HCN1: variants seen among roughly 807,000 people sequenced by gnomAD.
The protein encoded by HCN1 is hyperpolarization activated cyclic nucleotide gated potassium channel 1, also known as potassium/sodium hyperpolarization-activated cyclic nucleotide-gated channel 1.
In HCN1, 13 loss-of-function variants were observed where a neutral mutation model predicts 78.9. That is an observed-to-expected ratio of 0.16 (90% CI 0.11 to 0.26). The LOEUF is 0.26. Ranked by LOEUF, HCN1 falls within the 10% of genes least tolerant of loss-of-function variation. HCN1 has a pLI of 1.00. For missense variants in HCN1, 810 were observed against 1,154.3 expected (o/e 0.70, Z 4.32); for synonymous variants, 552 against 455.5 (o/e 1.21, Z -2.70).
intron 5 of HCN1, among the ~76,000 whole-genome samples, chr5:45,321,726 A>G (rs1229830794): frequency 2.0e-5 from 3 of 151,834 alleles, no homozygotes; most frequent in Admixed American, 6.6e-5. Flanking sequence ...AGATCATTTA[A>G]TAGCAATACG....
chr5:45,621,892 T>A (rs1454125014), intron 2 of HCN1, among the ~76,000 whole-genome samples: 1 of 152,058 alleles, frequency 6.6e-6, no homozygotes, highest in Non-Finnish European at 1.5e-5. Context: ...AGAAAAAAAA[T>A]TGTTTTACTT....
At chr5:45,621,238 C>T (rs1745055176) in intron 2 of HCN1, among the ~76,000 whole-genome samples, 1 of 152,012 alleles carries the variant, frequency 6.6e-6, no homozygotes. Flanking sequence ...TTGCTTCTAG[C>T]AATCTTTATT....
At chr5:45,311,633 G>C (rs1745853435) in intron 5 of HCN1, among the ~76,000 whole-genome samples, 1 of 152,192 alleles carries the variant, frequency 6.6e-6, no homozygotes, top group Non-Finnish European at 1.5e-5. Context: ...ATGATCCATG[G>C]AGGATATGTT....
At chr5:45,426,018 C>T (rs930398564) in intron 3 of HCN1, among the ~76,000 whole-genome samples, 7 of 152,124 alleles carry the variant, frequency 4.6e-5, no homozygotes, top group Admixed American at 4.6e-4. Context: ...AAGATAGGTA[C>T]TAGGTATATA....
chr5:45,371,404 G>C (rs1249531698), intron 4 of HCN1, among the ~76,000 whole-genome samples: 1 of 151,726 alleles, frequency 6.6e-6, no homozygotes, highest in Non-Finnish European at 1.5e-5. Flanking sequence ...AAGAAATAAA[G>C]AGAAGATCCA....
intron 6 of HCN1, among the ~76,000 whole-genome samples, chr5:45,286,894 A>G (rs1472745456): frequency 6.6e-6 from 1 of 152,010 alleles, no homozygotes; most frequent in East Asian, 1.9e-4. Context: ...AAGTGACTAA[A>G]TGTTTTCTAC....
At chr5:45,362,345 A>T (rs1351279834) in intron 4 of HCN1, among the ~76,000 whole-genome samples, 1 of 152,018 alleles carries the variant, frequency 6.6e-6, no homozygotes, top group African/African-American at 2.4e-5. Flanking sequence ...TCCTTCCCTC[A>T]ACAGTTTCTT....
chr5:45,507,574 A>G (rs1579938455), intron 2 of HCN1, among the ~76,000 whole-genome samples: 2 of 152,196 alleles, frequency 1.3e-5, no homozygotes, highest in East Asian at 3.9e-4. Context: ...AGATACAATA[A>G]ACATCCTTTT....
chr5:45,471,874 A>G (rs1219715340), intron 2 of HCN1, among the ~76,000 whole-genome samples: 3 of 151,840 alleles, frequency 2.0e-5, no homozygotes, highest in Non-Finnish European at 4.4e-5. Context: ...GTCTATCATT[A>G]TTTTTTCAAA....
intron 2 of HCN1, among the ~76,000 whole-genome samples, chr5:45,615,390 T>C (rs1379392836): frequency 1.3e-5 from 2 of 152,030 alleles, no homozygotes; most frequent in African/African-American, 4.8e-5. Flanking sequence ...TTATTCCAAA[T>C]ATAAACCAAA....
intron 6 of HCN1, among the ~76,000 whole-genome samples, chr5:45,269,798 G>C (rs78370763): frequency 6.6e-6 from 1 of 152,190 alleles, no homozygotes; most frequent in East Asian, 1.9e-4. Context: ...TAAGTCACCC[G>C]CTTTCTGTTC....
At chr5:45,655,735 C>A (rs977476479) in intron 1 of HCN1, among the ~76,000 whole-genome samples, 3 of 152,036 alleles carry the variant, frequency 2.0e-5, no homozygotes, top group Non-Finnish European at 4.4e-5. Flanking sequence ...GCTCCCTTGT[C>A]CTTATGCCCA....
intron 2 of HCN1, among the ~76,000 whole-genome samples, chr5:45,640,182 A>G (rs1419778385): frequency 6.6e-6 from 1 of 152,210 alleles, no homozygotes; most frequent in Non-Finnish European, 1.5e-5. Context: ...AACTGGCATC[A>G]GTCTTCTATC....
chr5:45,285,852 T>C (rs893519796), intron 6 of HCN1, among the ~76,000 whole-genome samples: 6 of 152,002 alleles, frequency 3.9e-5, no homozygotes, highest in Middle Eastern at 3.2e-3. Context: ...CCATGAATGA[T>C]TCAGAATGAC....
At chr5:45,315,222 C>CCA (rs1745956459) in intron 5 of HCN1, among the ~76,000 whole-genome samples, 1 of 152,316 alleles carries the variant, frequency 6.6e-6, no homozygotes, top group East Asian at 1.9e-4. Context: ...GTCTCTCGGA[C>CCA]CACAGTGCAA....
intron 4 of HCN1, among the ~76,000 whole-genome samples, chr5:45,374,587 G>T (rs970374707): frequency 2.0e-5 from 3 of 149,976 alleles, no homozygotes; most frequent in Non-Finnish European, 4.4e-5. Context: ...AGTGCTGGTA[G>T]CATTTCTACT....
intron 2 of HCN1, among the ~76,000 whole-genome samples, chr5:45,505,319 T>C (rs1742276802): frequency 6.6e-6 from 1 of 152,208 alleles, no homozygotes; most frequent in Non-Finnish European, 1.5e-5. Context: ...TTTCTACATA[T>C]GGCTAGCCAG....
intron 1 of HCN1, among the ~76,000 whole-genome samples, chr5:45,686,987 A>G (rs1277789556): frequency 1.4e-5 from 2 of 144,664 alleles, no homozygotes; most frequent in African/African-American, 5.1e-5. Context: ...GAAAGGGTAC[A>G]TGGGTAGTTA....
rs905364542 is a variant in HCN1 at position 45,496,304 on chromosome 5, T to A, written c.850-34297A>T. On this transcript the variant is annotated intron_variant, in intron 2 of 7. Coordinates refer to ENST00000303230, the MANE Select transcript of HCN1 (RefSeq NM_021072.4). ...GCCTGTTATTGGTCTATTCAGAGAT[T>A]CAACTTCTTCCTGGTTTAGTCTTGG... Among the ~76,000 whole-genome samples the A allele has an allele frequency of 3.0e-4, 46 of 151,786 alleles. 1 individual carries two copies. The highest frequency in any genetic ancestry group is 3.0e-3 in the Admixed American group (46 of 15,218).
Sources: gnomAD v4.1 joint callset for allele counts (sites outside exome capture counted in the v4.1 genomes callset) on GRCh38, gnomAD v4.1.1 for gene constraint, MANE v1.5 for transcripts, NCBI Gene and HGNC (gene_info 2026-07-23, HGNC 2026-07-21) for gene names.